The following ZNF219 variants were observed in gnomAD, a reference collection of about 807,000 sequenced individuals.
The protein encoded by ZNF219 is zinc finger protein 219.
In ZNF219, 17 loss-of-function variants were observed where a neutral mutation model predicts 54.4. The observed-to-expected ratio is 0.31, with a 90% CI of 0.21 to 0.47. The LOEUF is 0.47. ZNF219 is among the 20% of genes least tolerant of loss of function. The pLI, the probability that ZNF219 is intolerant of heterozygous loss-of-function variation, is 1.00. For missense variants in ZNF219, 1,014 were observed against 1,062.3 expected, an observed-to-expected ratio of 0.95 and a Z score of 0.63; for synonymous variants, 518 against 476.4, an observed-to-expected ratio of 1.09 and a Z score of -1.14.
In ZNF219 at chr14:21,091,561, G is replaced by A. The variant is rs764169130; in HGVS notation, c.1433-19C>T. ...TTCTCTTCTGCAACACATACGTTAA[G>A]AGGAAGTCAGGGGGGCCCACACCCT... On this transcript the variant is annotated intron_variant, in intron 3 of 4. Transcript: ENST00000360947. The A allele has an allele frequency of 4.4e-6, 7 of 1,586,016 alleles. No individual in the cohort carries two copies. Among genetic ancestry groups the A allele is most frequent in the African/African-American group, 2.7e-5 (2 of 74,444 alleles).
chr14:21,101,798 G>A (rs1052699431), upstream of ZNF219: 14 of 1,274,960 alleles, frequency 1.1e-5, no homozygotes, highest in Non-Finnish European at 1.5e-5. Context: ...CTCTAAAGAG[G>A]TAGGAGTTAC....
At chr14:21,101,330 T>G, upstream of ZNF219, 1 of 1,551,074 alleles carries the variant, frequency 6.4e-7, no homozygotes, top group South Asian at 1.2e-5. Flanking sequence ...CTAATTCTTG[T>G]GGGCAAAGGA....
chr14:21,104,587 C>G (rs1174105604), exon 1 of ZNF219: 1 of 152,268 alleles, frequency 6.6e-6, no homozygotes, highest in East Asian at 1.9e-4. Context: ...GCTTCTTTCC[C>G]TAGAGAATGC....
At chr14:21,103,049 G>T (rs12880628), upstream of ZNF219, 856,210 of 1,540,878 alleles carry the variant, frequency 0.56, 246,050 homozygotes, top group Middle Eastern at 0.59. Context: ...AAACAGGATA[G>T]AAAATTGGGC....
Position 21,090,556 on chromosome 14 carries a change from G to T in ZNF219, c.2149C>A (p.Leu717Met). The change falls in exon 5 of 5, where the codon CTG becomes ATG. Residue 717 changes from leucine (L) to methionine (M), a missense_variant. Physicochemically the swap from Leu to Met is conservative, Grantham distance 15. Transcript: ENST00000360947. This position sits in a 1 kb window ranked among gnomAD's most constrained non-coding sequence, Gnocchi z 4.4. ...SGLSRPGEAG[L>M]GGQER ...GCCCACTACCGTTCTTGCCCCCCCA[G>T]CCCTGCCTCTCCGGGTCTGGACAGC... 6.2e-7 allele frequency: 1 copy of T among 1,601,452 alleles called. No individual in the cohort carries two copies. Among genetic ancestry groups the T allele is most frequent in the Non-Finnish European group, 8.5e-7 (1 of 1,171,926 alleles).
rs769554730 is a variant in ZNF219, at chr14:21,092,249, C to T, written c.1048G>A (p.Gly350Ser). 5.5e-6 allele frequency: 8 copies of T among 1,462,334 alleles called. No individual in the cohort carries two copies. The highest frequency in any genetic ancestry group is 5.4e-6 in the Non-Finnish European group (6 of 1,111,608). 90.6% of individuals were successfully genotyped at this position (1,462,334 alleles called of 1,614,324 possible). A position where few individuals can be genotyped will look rare whatever the true frequency, so the allele number is the denominator to read the frequency against. ...CCCAACGGCTCATAGGCCAGCAGGC[C>T]GAGGTCAGGAGGCTGGGGGGCGCGG... ...PARAPQPPDL[G>S]LLAYEPLGPA... is the part of the protein sequence containing the mutation. Residue 350 changes from glycine to serine, a missense_variant, in exon 3 of 5, where the codon GGC (glycine) becomes AGC (serine). This residue lies in a region of ZNF219 where 272 missense variants were observed against 248.9 expected (regional missense o/e 1.09). Transcript: ENST00000360947.
chr14:21,102,746 G>A (rs1889727679), upstream of ZNF219: 1 of 1,550,972 alleles, frequency 6.4e-7, no homozygotes, highest in African/African-American at 1.4e-5. Context: ...GATGCTGCAG[G>A]AGCCAGAGTC....
At chr14:21,102,692 G>T (rs1334664580), upstream of ZNF219, 1 of 1,551,578 alleles carries the variant, frequency 6.4e-7, no homozygotes, top group South Asian at 1.2e-5. Context: ...GGGGAGTGCT[G>T]GTCTCAGTGC....
chr14:21,098,063 G>GC (rs1208569399), intron 1 of ZNF219, among the ~76,000 whole-genome samples: 13 of 147,682 alleles, frequency 8.8e-5, no homozygotes, highest in Admixed American at 6.7e-4. Context: ...CTTCCACCTG[G>GC]CCCCCCCTCC....
At chr14:21,091,258 C>A in intron 4 of ZNF219, 118 bp from the exon 5 acceptor site, 1 of 1,507,634 alleles carries the variant, frequency 6.6e-7, no homozygotes, top group Non-Finnish European at 8.9e-7. Context: ...GCGTCTCCCA[C>A]CCACTTTGAT....
At chr14:21,096,324 T>C (rs1357796546) in intron 1 of ZNF219, among the ~76,000 whole-genome samples, 1 of 152,094 alleles carries the variant, frequency 6.6e-6, no homozygotes, top group African/African-American at 2.4e-5. Flanking sequence ...GCACGGAAAG[T>C]TTCCCCAGAA....
intron 1 of ZNF219, among the ~76,000 whole-genome samples, chr14:21,095,152 T>C (rs971555142): frequency 2.0e-5 from 3 of 152,158 alleles, no homozygotes; most frequent in Admixed American, 6.5e-5. Flanking sequence ...TAAAACTCCA[T>C]GAAGGGGCAG....
rs777545813 is a variant in ZNF219 at position 21,090,708 on chromosome 14, T to C, written c.1997A>G (p.Gln666Arg). ...CCTAGCCCGGCGGCTGTGGTGCACT[T>C]GAAGGTGCAAGGCCATGAGCTCTGG... ...GAPELMALHL[Q>R]VHHSRRARGR... The change falls in exon 5 of 5, where the codon CAA becomes CGA. Residue 666 changes from glutamine (Q) to arginine (R), a missense_variant. Around this residue, in one of 5 missense-constraint regions of ZNF219, gnomAD observed 281 missense variants for 271.2 expected, o/e 1.04. Transcript: ENST00000360947. This position sits in a 1 kb window ranked among gnomAD's most constrained non-coding sequence, Gnocchi z 4.4. The C allele has an allele frequency of 1.2e-6, 2 of 1,610,854 alleles. No individual in the cohort carries two copies. Among genetic ancestry groups the C allele is most frequent in the African/African-American group, 1.3e-5 (1 of 74,992 alleles).
upstream of ZNF219, chr14:21,099,107 T>C (rs1889487397): frequency 4.0e-6 from 1 of 247,426 alleles, no homozygotes; most frequent in South Asian, 3.6e-5. Flanking sequence ...ACTGAGTGCT[T>C]ACTAAGTGCC....
Position 21,098,602 on chromosome 14 carries a change from C to T in ZNF219, c.-374G>A. 2 of 1,019,620 alleles carry T rather than the reference C, an allele frequency of 2.0e-6. No individual in the cohort carries two copies. The highest frequency in any genetic ancestry group is 2.4e-6 in the Non-Finnish European group (2 of 849,212). The allele number at this position is 1,019,620 out of a possible 1,614,324, so 63.2% of individuals were successfully genotyped here. A position where few individuals can be genotyped will look rare whatever the true frequency, so the allele number is the denominator to read the frequency against. ...GCTCCGGGGACAGGGAGCTGGGGAC[C>T]CCGGGAGCCGCGAGAGGCGGCCGCC... On this transcript the variant is annotated 5_prime_UTR_variant, in exon 1 of 5. Coordinates refer to ENST00000360947, the MANE Select transcript of ZNF219 (RefSeq NM_016423.3).
rs776888644 is a variant in ZNF219, at chr14:21,091,569, CA to C, written c.1433-28del. ...TGCAACACATACGTTAAGAGGAAGT[CA>C]GGGGGGCCCACACCCTGTCCAGGTG... On this transcript the variant is annotated intron_variant, in intron 3 of 4. Transcript: ENST00000360947. The C allele has an allele frequency of 4.4e-6, 7 of 1,582,510 alleles. No homozygotes were observed. In the East Asian group the frequency reaches 9.1e-5, roughly 21 times the overall value.
Position 21,090,844 on chromosome 14 carries a change from C to T in ZNF219, c.1861G>A (p.Gly621Ser), listed in dbSNP as rs1223090270. 38 of 1,555,546 alleles carry T rather than the reference C, an allele frequency of 2.4e-5. No homozygotes were observed. The Admixed American group carries it at 3.7e-4, about 15-fold the overall frequency. Residue 621 changes from glycine to serine, a missense_variant, in exon 5 of 5, where the codon GGC becomes AGC. Physicochemically the swap from Gly to Ser is moderately conservative, Grantham distance 56. Coordinates refer to ENST00000360947, the MANE Select transcript of ZNF219 (RefSeq NM_016423.3). The surrounding 1 kb of genome is among the most constrained non-coding windows in gnomAD (Gnocchi z 4.4). Reference protein sequence around the residue: ...SPGRTLRNGRGGEAEPLDLSL... With the variant: ...SPGRTLRNGRSGEAEPLDLSL... ...AGGTCCAGGGGTTCGGCCTCACCGCCTCGCCCGTTGCGCAGGGTCCTCCCA... is the reference window on the plus strand; with the variant it reads ...AGGTCCAGGGGTTCGGCCTCACCGCTTCGCCCGTTGCGCAGGGTCCTCCCA...
upstream of ZNF219, chr14:21,101,338 G>A (rs1191547115): frequency 6.4e-7 from 1 of 1,551,256 alleles, no homozygotes; most frequent in Non-Finnish European, 8.7e-7. Context: ...TGTGGGCAAA[G>A]GAGCCATGGA....
rs10687101 is a variant in ZNF219 at position 21,094,726 on chromosome 14, TG to T, written c.-83-1053del. ...TCATTGAGAGGAAGAGGATAGGGGT[TG>T]GGGGGGGGGGCGGGTGCTGATCCTA... On this transcript the variant is annotated intron_variant, in intron 1 of 4. Coordinates refer to ENST00000360947, the MANE Select transcript of ZNF219 (RefSeq NM_016423.3). Among the ~76,000 whole-genome samples, 53 of 5,886 alleles carry T rather than the reference TG, an allele frequency of 9.0e-3. 5 individuals are homozygous for T. The highest frequency in any genetic ancestry group is 0.018 in the African/African-American group (24 of 1,344). 3.9% of individuals were successfully genotyped at this position (5,886 alleles called of 152,430 possible). A position where few individuals can be genotyped will look rare whatever the true frequency, so the allele number is the denominator to read the frequency against.
Sources: allele counts gnomAD v4.1 joint callset (sites outside exome capture counted in the v4.1 genomes callset), GRCh38; gene constraint gnomAD v4.1.1; regional missense constraint gnomAD v4.1.1; non-coding constraint Gnocchi (gnomAD v3.1); transcripts MANE v1.5; gene names NCBI Gene and HGNC (gene_info 2026-07-23, HGNC 2026-07-21).